FGL1: variants seen among roughly 807,000 people sequenced by gnomAD.
The protein encoded by FGL1 is fibrinogen like 1, also known as fibrinogen-like protein 1.
Under a neutral mutation model 43.7 loss-of-function variants are expected in FGL1, and 59 were observed. The observed-to-expected ratio is 1.35, with a 90% CI of 1.10 to 1.68. The LOEUF (loss-of-function observed/expected upper bound fraction) is 1.68, where lower values mean the gene tolerates loss of function less well. Among genes scored for constraint, FGL1 ranks in the 40% most tolerant of loss-of-function variants. The pLI is 0.00. For missense variants in FGL1, 596 were observed against 373.0 expected (o/e 1.60, Z -4.92); for synonymous variants, 192 against 126.5 (o/e 1.52, Z -3.48).
At chr8:17,875,547 T>TC (rs1563452433) in intron 3 of FGL1, among the ~76,000 whole-genome samples, 4 of 16,242 alleles carry the variant, frequency 2.5e-4, no homozygotes, top group African/African-American at 4.9e-4. Flanking sequence ...CTTTCTTTCT[T>TC]TCTTTCTTTC....
At chr8:17,890,020 G>A (rs2053682762) in intron 1 of FGL1, among the ~76,000 whole-genome samples, 1 of 152,158 alleles carries the variant, frequency 6.6e-6, no homozygotes, top group African/African-American at 2.4e-5. Context: ...ATTAATGTGT[G>A]CCATTTAAAA....
At chr8:17,875,033 G>T (rs913045184) in intron 3 of FGL1, among the ~76,000 whole-genome samples, 15 of 152,078 alleles carry the variant, frequency 9.9e-5, no homozygotes, top group Non-Finnish European at 2.1e-4. Context: ...TTTATCAGAC[G>T]GAATAGTAAA....
intron 7 of FGL1, among the ~76,000 whole-genome samples, chr8:17,867,436 G>C (rs2053286143): frequency 6.6e-6 from 1 of 152,180 alleles, no homozygotes; most frequent in African/African-American, 2.4e-5. Context: ...ACCATCTATA[G>C]TAGTTCTCTG....
At chr8:17,872,021 T>C (rs2053369958) in intron 5 of FGL1, among the ~76,000 whole-genome samples, 2 of 152,162 alleles carry the variant, frequency 1.3e-5, no homozygotes, top group South Asian at 2.1e-4. Flanking sequence ...AAACAGAAGT[T>C]GGTATGGCAA....
chr8:17,869,058 C>G (rs896760342), intron 5 of FGL1, 54 bp from the exon 6 acceptor site: 3 of 1,081,880 alleles, frequency 2.8e-6, no homozygotes, highest in Non-Finnish European at 4.1e-6. Context: ...ATGACACGGA[C>G]TACTGCGGTT....
At position 17,872,666 on chromosome 8, in the gene FGL1, T is replaced by C. The variant is rs552825952; in HGVS notation, c.502+1353A>G. Among the ~76,000 whole-genome samples, 3 of 152,284 alleles carry C rather than the reference T, an allele frequency of 2.0e-5. No individual in the cohort carries two copies. The South Asian group carries it at 6.2e-4, about 32-fold the overall frequency. On this transcript the variant is annotated intron_variant, in intron 5 of 7. Transcript: ENST00000427924. ...TTTTTTGGGCATTACAGTTGCCTTT[T>C]ATGAAGGATTCAGGATCAGACTTGA...
rs2053237464 is a variant in FGL1 at position 17,864,400 on chromosome 8, T to C, written c.*192A>G. On this transcript the variant is annotated 3_prime_UTR_variant, in exon 8 of 8. Coordinates refer to ENST00000427924, the MANE Select transcript of FGL1 (RefSeq NM_004467.4). ...AGGGATTCAATAAATATTAACACAG[T>C]CTACATTTATTTGGTGAATATTGCA... The C allele has an allele frequency of 1.8e-6, 1 of 546,942 alleles. No homozygotes were observed. The highest frequency in any genetic ancestry group is 3.7e-5 in the Admixed American group (1 of 27,380). The allele number at this position is 546,942 out of a possible 1,614,324, so 33.9% of individuals were successfully genotyped here.
At chr8:17,874,163 G>T in intron 4 of FGL1, 47 bp from the exon 5 acceptor site, 1 of 1,508,986 alleles carries the variant, frequency 6.6e-7, no homozygotes, top group Non-Finnish European at 9.1e-7. Flanking sequence ...TCCATTTGTG[G>T]TACCAAAGCG....
intron 3 of FGL1, among the ~76,000 whole-genome samples, chr8:17,876,619 T>A (rs1465625940): frequency 6.6e-6 from 1 of 152,226 alleles, no homozygotes; most frequent in African/African-American, 2.4e-5. Context: ...AGTTTACATC[T>A]TGTAGTCAAG....
chr8:17,895,387 G>A (rs1350764458), intron 1 of FGL1, 60 bp downstream of exon 1: 1 of 1,275,140 alleles, frequency 7.8e-7, no homozygotes, highest in Non-Finnish European at 1.0e-6. Flanking sequence ...TATCATACCT[G>A]TGAAATAAAT....
At chr8:17,872,200 A>T (rs536355249) in intron 5 of FGL1, among the ~76,000 whole-genome samples, 1 of 152,198 alleles carries the variant, frequency 6.6e-6, no homozygotes, top group Non-Finnish European at 1.5e-5. Flanking sequence ...CTAGTGTCTC[A>T]AAGAACTTTA....
At chr8:17,881,059 T>A (rs990663831) in intron 3 of FGL1, among the ~76,000 whole-genome samples, 3 of 152,092 alleles carry the variant, frequency 2.0e-5, no homozygotes, top group Admixed American at 6.5e-5. Flanking sequence ...GAAAACTGCA[T>A]ACATGCAACA....
chr8:17,864,957 T>A (rs1211668155), intron 7 of FGL1, among the ~76,000 whole-genome samples: 1 of 152,142 alleles, frequency 6.6e-6, no homozygotes, highest in African/African-American at 2.4e-5. Context: ...TTTTTAATTT[T>A]TTTTTAATAA....
intron 7 of FGL1, among the ~76,000 whole-genome samples, chr8:17,867,410 T>C (rs891639308): frequency 2.6e-5 from 4 of 152,134 alleles, no homozygotes; most frequent in African/African-American, 9.7e-5. Context: ...ATCTTTTGGG[T>C]GTAGGAAGGA....
At chr8:17,872,206 C>T (rs1040104441) in intron 5 of FGL1, among the ~76,000 whole-genome samples, 1 of 152,014 alleles carries the variant, frequency 6.6e-6, no homozygotes, top group African/African-American at 2.4e-5. Flanking sequence ...TCTCAAAGAA[C>T]TTTATAACCA....
chr8:17,885,823 G>T, intron 1 of FGL1: 1 of 427,992 alleles, frequency 2.3e-6, no homozygotes, highest in Non-Finnish European at 4.2e-6. Flanking sequence ...ATCCTAATGT[G>T]CTGTTTGTGT....
At chr8:17,881,333 C>T (rs1761387675) in intron 3 of FGL1, among the ~76,000 whole-genome samples, 1 of 151,604 alleles carries the variant, frequency 6.6e-6, no homozygotes. Flanking sequence ...GATGGGGTTT[C>T]ACCATATTGG....
At chr8:17,885,920 G>C (rs190138447) in intron 1 of FGL1, 1 of 176,548 alleles carries the variant, frequency 5.7e-6, no homozygotes, top group East Asian at 1.5e-4. Flanking sequence ...CTGCACGCTG[G>C]TCTCTGCTTA....
chr8:17,874,567 CT>C, intron 3 of FGL1, 46 bp from the exon 4 acceptor site: 3 of 1,520,404 alleles, frequency 2.0e-6, no homozygotes, highest in Non-Finnish European at 2.7e-6. Flanking sequence ...GTGTCTTTTT[CT>C]CCCCCCGCCT....
Sources: allele counts gnomAD v4.1 joint callset (sites outside exome capture counted in the v4.1 genomes callset), GRCh38; gene constraint gnomAD v4.1.1; transcripts MANE v1.5; gene names NCBI Gene and HGNC (gene_info 2026-07-23, HGNC 2026-07-21).